VAV3: variants seen among roughly 807,000 people sequenced by gnomAD.
VAV3 encodes the protein guanine nucleotide exchange factor VAV3.
In VAV3, 94 loss-of-function variants were observed where a neutral mutation model predicts 131.2. That is an observed-to-expected ratio of 0.72 (90% CI 0.61 to 0.85). The LOEUF (loss-of-function observed/expected upper bound fraction) is 0.85. Ranked by LOEUF, VAV3 falls within the 40% of genes least tolerant of loss-of-function variation. The probability of loss-of-function intolerance (pLI) is 0.00; values close to 1 mark genes in which losing one functional copy is unlikely to be tolerated. For missense variants in VAV3, 939 were observed against 1,002.7 expected (o/e 0.94, Z 0.86); for synonymous variants, 349 against 342.0 (o/e 1.02, Z -0.22).
chr1:107,739,859 C>G (rs1206245995), intron 15 of VAV3, among the ~76,000 whole-genome samples: 1 of 152,204 alleles, frequency 6.6e-6, no homozygotes, highest in East Asian at 1.9e-4. Context: ...GATACCACCA[C>G]AGGCTTCCTC....
intron 15 of VAV3, among the ~76,000 whole-genome samples, chr1:107,717,785 G>A (rs1319431867): frequency 6.6e-6 from 1 of 152,136 alleles, no homozygotes; most frequent in East Asian, 1.9e-4. Flanking sequence ...TCAAGTCCTG[G>A]ATATCCTTAT....
chr1:107,661,697 C>A (rs1657033666), intron 19 of VAV3, among the ~76,000 whole-genome samples: 1 of 152,058 alleles, frequency 6.6e-6, no homozygotes, highest in Non-Finnish European at 1.5e-5. Flanking sequence ...ATAATTTTAA[C>A]AAAATTTTTC....
chr1:107,787,577 G>A (rs1398870330), intron 2 of VAV3, among the ~76,000 whole-genome samples: 2 of 152,144 alleles, frequency 1.3e-5, no homozygotes, highest in African/African-American at 4.8e-5. Context: ...GGTTGATACA[G>A]GTTTGATGGG....
chr1:107,836,468 A>G (rs947622915), intron 2 of VAV3, among the ~76,000 whole-genome samples: 1 of 152,204 alleles, frequency 6.6e-6, no homozygotes, highest in Non-Finnish European at 1.5e-5. Context: ...CTACATCAAA[A>G]AGTTTAAAAG....
At chr1:107,842,011 T>C (rs1175511877) in intron 2 of VAV3, among the ~76,000 whole-genome samples, 1 of 152,206 alleles carries the variant, frequency 6.6e-6, no homozygotes, top group African/African-American at 2.4e-5. Flanking sequence ...GACAGCATTA[T>C]TCTAGTTTCA....
intron 1 of VAV3, among the ~76,000 whole-genome samples, chr1:107,912,075 G>A (rs554145374): frequency 5.3e-4 from 81 of 152,222 alleles, no homozygotes; most frequent in Non-Finnish European, 9.1e-4. Flanking sequence ...GTGTGTGTGC[G>A]TGTTTACGTT....
At chr1:107,701,002 G>A (rs12046306) in intron 17 of VAV3, among the ~76,000 whole-genome samples, 83,037 of 151,954 alleles carry the variant, frequency 0.55, 24,018 homozygotes, top group Non-Finnish European at 0.63. Flanking sequence ...TCTGAATAGC[G>A]TGAGATGGTA....
At chr1:107,947,537 GT>G (rs1341141362) in intron 1 of VAV3, among the ~76,000 whole-genome samples, 1 of 152,076 alleles carries the variant, frequency 6.6e-6, no homozygotes, top group Non-Finnish European at 1.5e-5. Flanking sequence ...GCCCATCTGA[GT>G]TCACTTACTC....
intron 15 of VAV3, among the ~76,000 whole-genome samples, chr1:107,725,421 G>T (rs370403837): frequency 3.3e-5 from 5 of 152,292 alleles, no homozygotes; most frequent in Non-Finnish European, 7.4e-5. Flanking sequence ...AAAGTAAAGA[G>T]AGTGAGAGGG....
chr1:107,782,817 G>C (rs1004848937), intron 2 of VAV3, among the ~76,000 whole-genome samples: 1 of 152,192 alleles, frequency 6.6e-6, no homozygotes, highest in African/African-American at 2.4e-5. Context: ...TGGGGATTCT[G>C]ACCTGCCACT....
chr1:107,699,351 C>T (rs1270753849), intron 17 of VAV3, among the ~76,000 whole-genome samples: 1 of 152,248 alleles, frequency 6.6e-6, no homozygotes, highest in Non-Finnish European at 1.5e-5. Context: ...TGTCTCATAT[C>T]CAGGTCACAC....
intron 2 of VAV3, among the ~76,000 whole-genome samples, chr1:107,833,079 C>T (rs1668323636): frequency 6.6e-6 from 1 of 152,142 alleles, no homozygotes; most frequent in African/African-American, 2.4e-5. Flanking sequence ...TTAACATTTA[C>T]ATTAAGCTTA....
At chr1:107,954,783 T>C (rs1674728387) in intron 1 of VAV3, among the ~76,000 whole-genome samples, 1 of 145,392 alleles carries the variant, frequency 6.9e-6, no homozygotes, top group Admixed American at 6.7e-5. Flanking sequence ...GGGAAATTCA[T>C]TGCAGTCCTC....
At chr1:107,761,333 C>T (rs1306158788) in intron 9 of VAV3, among the ~76,000 whole-genome samples, 1 of 145,846 alleles carries the variant, frequency 6.9e-6, no homozygotes, top group Non-Finnish European at 1.5e-5. Context: ...GCGGAGCTTG[C>T]AGTGAGCTGA....
At position 107,764,106 on chromosome 1, in the gene VAV3, CA is replaced by C. The variant is rs1387381651; in HGVS notation, c.921+969del. On this transcript the variant is annotated intron_variant, in intron 9 of 26. Transcript: ENST00000370056. The stretch of plus-strand genomic sequence containing the variant: ...AAAAAACAAAAAACAAAAAACAAAA[CA>C]AAAAAAAAAACATGATGTACAAAAA... Among the ~76,000 whole-genome samples the C allele has an allele frequency of 2.7e-3, 384 of 143,484 alleles. 1 individual carries two copies. The highest frequency in any genetic ancestry group is 7.3e-3 in the African/African-American group (284 of 39,102). 94.1% of individuals were successfully genotyped at this position (143,484 alleles called of 152,430 possible). A position where few individuals can be genotyped will look rare whatever the true frequency, so the allele number is the denominator to read the frequency against.
intron 2 of VAV3, among the ~76,000 whole-genome samples, chr1:107,800,421 TA>T (rs1666772967): frequency 6.6e-6 from 1 of 152,178 alleles, no homozygotes; most frequent in Non-Finnish European, 1.5e-5. Flanking sequence ...ATTGTGGTTT[TA>T]ATTTGCTTTT....
chr1:107,799,838 ATCCC>A (rs966971477), intron 2 of VAV3, among the ~76,000 whole-genome samples: 60 of 152,056 alleles, frequency 3.9e-4, no homozygotes, highest in African/African-American at 1.4e-3. Context: ...ACTTCTCTTC[ATCCC>A]TCCCTCCCTC....
chr1:107,944,734 A>G (rs1674166136), intron 1 of VAV3, among the ~76,000 whole-genome samples: 1 of 152,096 alleles, frequency 6.6e-6, no homozygotes, highest in East Asian at 1.9e-4. Flanking sequence ...CCTCTCGAGT[A>G]GCTGGGACTA....
intron 5 of VAV3, among the ~76,000 whole-genome samples, chr1:107,770,969 T>C (rs1212897315): frequency 6.6e-6 from 1 of 152,214 alleles, no homozygotes; most frequent in Non-Finnish European, 1.5e-5. Flanking sequence ...CACTCTAAAA[T>C]ATCTCTTACT....
Sources: allele counts gnomAD v4.1 joint callset (sites outside exome capture counted in the v4.1 genomes callset), GRCh38; gene constraint gnomAD v4.1.1; transcripts MANE v1.5; gene names NCBI Gene and HGNC (gene_info 2026-07-23, HGNC 2026-07-21).